Variants in NEMP1 observed in about 807,000 individuals in gnomAD.
NEMP1 encodes the protein transmembrane protein 194.
In NEMP1, 29 loss-of-function variants were observed where a neutral mutation model predicts 53.7. The observed-to-expected ratio is 0.54, with a 90% CI of 0.40 to 0.74. NEMP1 has a LOEUF of 0.74. NEMP1 is among the 30% of genes least tolerant of loss of function. NEMP1 has a pLI of 0.00. For missense variants in NEMP1, 477 were observed against 528.6 expected, an observed-to-expected ratio of 0.90 and a Z score of 0.96; for synonymous variants, 193 against 192.9, an observed-to-expected ratio of 1.00 and a Z score of 0.00.
chr12:57,080,348 G>A (rs2032807535), upstream of NEMP1, among the ~76,000 whole-genome samples: 1 of 152,106 alleles, frequency 6.6e-6, no homozygotes, highest in African/African-American at 2.4e-5. Context: ...GGAGTCCGAG[G>A]CGGGTGGATC....
intron 1 of NEMP1, among the ~76,000 whole-genome samples, chr12:57,076,523 T>C (rs1024638249): frequency 2.6e-5 from 4 of 151,526 alleles, no homozygotes; most frequent in Non-Finnish European, 5.9e-5. Context: ...ATTAGCTGAG[T>C]GTGGCTGGGC....
At chr12:57,087,124 C>A (rs911229548) in intron 1 of NEMP1, among the ~76,000 whole-genome samples, 8 of 152,252 alleles carry the variant, frequency 5.3e-5, no homozygotes, top group Non-Finnish European at 1.2e-4. Flanking sequence ...TCTCCCAGGA[C>A]CCGGGAGCGG....
chr12:57,078,871 G>T (rs1261968263), upstream of NEMP1: 1 of 1,105,310 alleles, frequency 9.0e-7, no homozygotes, highest in East Asian at 2.5e-5. Context: ...AGGGCTTCGA[G>T]CACCCAGCCC....
intron 1 of NEMP1, among the ~76,000 whole-genome samples, chr12:57,076,607 A>ACCAGCCTGG (rs2032633241): frequency 6.6e-6 from 1 of 151,796 alleles, no homozygotes; most frequent in African/African-American, 2.4e-5. Context: ...GGAGTTTGAG[A>ACCAGCCTGG]CCAGCCTGGC....
chr12:57,081,169 A>G (rs181378005), upstream of NEMP1, among the ~76,000 whole-genome samples: 4 of 152,312 alleles, frequency 2.6e-5, no homozygotes, highest in East Asian at 3.9e-4. Context: ...ACAAATTCCA[A>G]TAGAGGCATC....
chr12:57,078,518 G>A, intron 1 of NEMP1, 101 bp downstream of exon 1: 1 of 1,440,418 alleles, frequency 6.9e-7, no homozygotes, highest in Non-Finnish European at 9.2e-7. Context: ...TAGAGCCACC[G>A]CCCTTCTGCA....
Position 57,056,517 on chromosome 12 carries a change from GTTA to G in NEMP1, c.*3359_*3361del, listed in dbSNP as rs1313625751. The stretch of plus-strand genomic sequence containing the variant: ...TACAATTCTTGGCATTTCAATATAG[GTTA>G]TTATCTCATATGTCAGACTTGAGTC... On this transcript the variant is annotated 3_prime_UTR_variant, in exon 9 of 9. Coordinates refer to ENST00000300128, the MANE Select transcript of NEMP1 (RefSeq NM_001130963.2). The G allele has an allele frequency of 1.3e-5, 2 of 152,080 alleles. No individual in the cohort carries two copies. The highest frequency in any genetic ancestry group is 2.9e-5 in the Non-Finnish European group (2 of 68,014). 9.4% of individuals were successfully genotyped at this position (152,080 alleles called of 1,614,324 possible).
In NEMP1 at chr12:57,072,799, T is replaced by C; in HGVS notation, c.241A>G (p.Thr81Ala). 1 of 1,607,954 alleles carries C rather than the reference T, an allele frequency of 6.2e-7. No homozygotes were observed. Among genetic ancestry groups the C allele is most frequent in the Non-Finnish European group, 8.5e-7 (1 of 1,177,006 alleles). Reference sequence around the variant, plus strand: ...TTCCAAGTTATTACCTGTATCCGTGTCCATATATCATGCCATTTTGGGATA... The same window carrying C: ...TTCCAAGTTATTACCTGTATCCGTGCCCATATATCATGCCATTTTGGGATA... ...VLIPKWHDIWTRIQIRVNSSR... is the reference protein window; with the variant it reads ...VLIPKWHDIWARIQIRVNSSR... Residue 81 changes from threonine (T) to alanine (A), a missense_variant, in exon 2 of 9, where the codon ACA (threonine) becomes GCA (alanine). Thr to Ala is a moderately conservative substitution (Grantham distance 58). Coordinates refer to ENST00000300128, the MANE Select transcript of NEMP1 (RefSeq NM_001130963.2).
intron 1 of NEMP1, among the ~76,000 whole-genome samples, chr12:57,086,864 C>T (rs1409865736): frequency 6.6e-6 from 1 of 152,230 alleles, no homozygotes; most frequent in Admixed American, 6.5e-5. Flanking sequence ...ATCTCGGGTA[C>T]AGAGACACAA....
At position 57,056,798 on chromosome 12, in the gene NEMP1, T is replaced by C. The variant is rs1332712718; in HGVS notation, c.*3081A>G. 1 of 152,208 alleles carries C rather than the reference T, an allele frequency of 6.6e-6. No individual in the cohort carries two copies. Among genetic ancestry groups the C allele is most frequent in the East Asian group, 1.9e-4 (1 of 5,196 alleles). The allele number at this position is 152,208 out of a possible 1,614,324, so 9.4% of individuals were successfully genotyped here. On this transcript the variant is annotated 3_prime_UTR_variant, in exon 9 of 9. Transcript: ENST00000300128. Reference sequence around the variant, plus strand: ...TGGGTTCTTTCATTCACCAAAATTCTATTATACATGCCAAGGGTTAAAGGG... The same window carrying C: ...TGGGTTCTTTCATTCACCAAAATTCCATTATACATGCCAAGGGTTAAAGGG...
At position 57,064,679 on chromosome 12, in the gene NEMP1, G is replaced by T; in HGVS notation, c.606C>A (p.Ile202=). The part of the protein sequence containing the change: ...MTVGIVASLL[I]IIFILSKFMP... ...TAAACTTAGATAGTATAAAAATGAT[G>T]ATTAGCAGAGAGGCCACAATTCCCA... The change falls in exon 5 of 9, where the codon ATC becomes ATA. Residue 202 remains isoleucine, a synonymous_variant. Transcript: ENST00000300128. 6.2e-7 allele frequency: 1 copy of T among 1,612,816 alleles called. No homozygotes were observed. The highest frequency in any genetic ancestry group is 8.5e-7 in the Non-Finnish European group (1 of 1,179,388).
At chr12:57,064,395 C>T (rs920557893) in intron 5 of NEMP1, among the ~76,000 whole-genome samples, 3 of 152,024 alleles carry the variant, frequency 2.0e-5, no homozygotes, top group African/African-American at 7.2e-5. Context: ...AACTTAAAAG[C>T]CTGGCTATAT....
intron 7 of NEMP1, among the ~76,000 whole-genome samples, 192 bp downstream of exon 7, chr12:57,062,927 G>C (rs756818031): frequency 6.2e-5 from 9 of 145,556 alleles, no homozygotes; most frequent in African/African-American, 1.0e-4. Flanking sequence ...AAAATGACTA[G>C]AATAAAAATA....
At position 57,058,099 on chromosome 12, in the gene NEMP1, C is replaced by T. The variant is rs920369042; in HGVS notation, c.*1780G>A. ...GTTCCTTTTACCCTTCAACTGTAAC[C>T]CATAGCATCTGCCCAAATACTGCTC... On this transcript the variant is annotated 3_prime_UTR_variant, in exon 9 of 9. Coordinates refer to ENST00000300128, the MANE Select transcript of NEMP1 (RefSeq NM_001130963.2). 8 of 152,150 alleles carry T rather than the reference C, an allele frequency of 5.3e-5. No homozygotes were observed. Among genetic ancestry groups the T allele is most frequent in the Non-Finnish European group, 2.9e-5 (2 of 68,030 alleles). 9.4% of individuals were successfully genotyped at this position (152,150 alleles called of 1,614,324 possible). A position where few individuals can be genotyped will look rare whatever the true frequency, so the allele number is the denominator to read the frequency against.
At chr12:57,076,951 G>GGGGCGGGGC (rs2032652344) in intron 1 of NEMP1, among the ~76,000 whole-genome samples, 1 of 149,532 alleles carries the variant, frequency 6.7e-6, no homozygotes, top group Non-Finnish European at 1.5e-5. Context: ...TACATTCTGC[G>GGGGCGGGGC]GGGCGGGGCG....
chr12:57,063,761 A>G (rs890833967), intron 6 of NEMP1, among the ~76,000 whole-genome samples: 5 of 152,230 alleles, frequency 3.3e-5, no homozygotes, highest in Admixed American at 2.0e-4. Flanking sequence ...AAGGTCCCCA[A>G]GTATATTTAA....
chr12:57,060,070 G>T lies in NEMP1; in HGVS notation c.1155-11C>A. The T allele has an allele frequency of 3.1e-6, 5 of 1,612,948 alleles. No homozygotes were observed. In the South Asian group the frequency reaches 5.5e-5, roughly 18 times the overall value. ...ACAAAGTCAGCAAATCTGGAAAAGA[G>T]AAGATAATACTCGTTAGAAATATCC... On this transcript the variant is annotated splice_polypyrimidine_tract_variant and intron_variant, in intron 8 of 8. Transcript: ENST00000300128.
chr12:57,060,376 TAC>T (rs2031740997), intron 8 of NEMP1, among the ~76,000 whole-genome samples: 1 of 152,204 alleles, frequency 6.6e-6, no homozygotes, highest in Non-Finnish European at 1.5e-5. Flanking sequence ...TAAGGGGCAT[TAC>T]AGTTATTCAC....
chr12:57,064,527 G>A, intron 5 of NEMP1, 119 bp downstream of exon 5: 1 of 672,844 alleles, frequency 1.5e-6, no homozygotes, highest in Non-Finnish European at 2.5e-6. Flanking sequence ...ATCAAGGAGA[G>A]TAGGATATTG....
Sources: allele counts gnomAD v4.1 joint callset (sites outside exome capture counted in the v4.1 genomes callset), GRCh38; gene constraint gnomAD v4.1.1; transcripts MANE v1.5; gene names NCBI Gene and HGNC (gene_info 2026-07-23, HGNC 2026-07-21).